The following ADGRV1 variants were observed in gnomAD, a reference collection of about 807,000 sequenced individuals.
The protein encoded by ADGRV1 is adhesion G protein-coupled receptor V1.
In ADGRV1, 359 loss-of-function variants were observed where a neutral mutation model predicts 596.2. That is an observed-to-expected ratio of 0.60 (90% CI 0.55 to 0.66). The LOEUF (loss-of-function observed/expected upper bound fraction) is 0.66, where lower values mean the gene tolerates loss of function less well. ADGRV1 is among the 30% of genes least tolerant of loss of function. The pLI is 0.00. For missense variants in ADGRV1, 7,274 were observed against 7,575.6 expected, an observed-to-expected ratio of 0.96 and a Z score of 1.48; for synonymous variants, 2,681 against 2,679.2, an observed-to-expected ratio of 1.00 and a Z score of -0.02.
At chr5:90,692,221 G>A (rs1746567269) in intron 31 of ADGRV1, among the ~76,000 whole-genome samples, 1 of 151,916 alleles carries the variant, frequency 6.6e-6, no homozygotes, top group Non-Finnish European at 1.5e-5. Flanking sequence ...GGGAAATAAA[G>A]CATAGTATAT....
chr5:91,013,096 T>C (rs1782857422), intron 85 of ADGRV1, among the ~76,000 whole-genome samples: 1 of 152,132 alleles, frequency 6.6e-6, no homozygotes, highest in Non-Finnish European at 1.5e-5. Context: ...CCATGGTGTA[T>C]ATGTATCACA....
At chr5:90,944,174 TTAAG>T (rs1251810803) in intron 83 of ADGRV1, among the ~76,000 whole-genome samples, 2 of 152,180 alleles carry the variant, frequency 1.3e-5, no homozygotes, top group African/African-American at 4.8e-5. Flanking sequence ...ATTTAGTACA[TTAAG>T]TAATCTTTTT....
chr5:90,703,739 G>A lies in ADGRV1; in HGVS notation c.8230G>A (p.Gly2744Arg). The change falls in exon 35 of 90, where the codon GGG becomes AGG. Residue 2744 changes from glycine to arginine, a missense_variant. This residue lies in a region of ADGRV1 where 3,643 missense variants were observed against 3,809.2 expected (regional missense o/e 0.96). Transcript: ENST00000405460. ...TGTTACTGTTAACTGGAAAATTATT[G>A]GGCAAAATCTAGAACTCAATTTTGC... ...GNVTVNWKII[G>R]QNLELNFANF... The A allele has an allele frequency of 6.2e-7, 1 of 1,605,060 alleles. No homozygotes were observed. Among genetic ancestry groups the A allele is most frequent in the Non-Finnish European group, 8.5e-7 (1 of 1,174,990 alleles).
At chr5:91,116,065 A>G (rs1051744517) in intron 87 of ADGRV1, among the ~76,000 whole-genome samples, 2 of 152,238 alleles carry the variant, frequency 1.3e-5, no homozygotes, top group Non-Finnish European at 2.9e-5. Context: ...GAATATGGAT[A>G]GAAAAATGTC....
rs1408016569 is a variant in ADGRV1, at chr5:91,164,040, G to T, written c.*140G>T. The T allele has an allele frequency of 1.4e-6, 1 of 699,192 alleles. No homozygotes were observed. The highest frequency in any genetic ancestry group is 2.0e-5 in the Admixed American group (1 of 49,882). 43.3% of individuals were successfully genotyped at this position (699,192 alleles called of 1,614,324 possible). ...TAATACAAACGTGATTGTTGTATTT[G>T]GAGTATAAATTACTGATTGTATGTG... On this transcript the variant is annotated 3_prime_UTR_variant, in exon 90 of 90. Coordinates refer to ENST00000405460, the MANE Select transcript of ADGRV1 (RefSeq NM_032119.4).
intron 1 of ADGRV1, among the ~76,000 whole-genome samples, chr5:90,594,677 G>T (rs1229381143): frequency 6.7e-6 from 1 of 149,146 alleles, no homozygotes; most frequent in Non-Finnish European, 1.5e-5. Flanking sequence ...TTAGGGAGTG[G>T]TGATGACTCT....
Position 90,683,702 on chromosome 5 carries a change from G to A in ADGRV1, c.5781G>A (p.Thr1927=), listed in dbSNP as rs771592051. Residue 1927 remains threonine, a synonymous_variant, in exon 28 of 90, where the codon ACG becomes ACA. Transcript: ENST00000405460. ...SGNITFEIGQ[T]SANITVEILP... is the part of the protein sequence containing the mutation. Reference sequence around the variant, plus strand: ...ACATCACATTTGAGATTGGGCAGACGAGCGCCAATATCACTGTGGAGATAT... The same window carrying A: ...ACATCACATTTGAGATTGGGCAGACAAGCGCCAATATCACTGTGGAGATAT... 3.5e-5 allele frequency: 56 copies of A among 1,613,758 alleles called. No individual in the cohort carries two copies. Among genetic ancestry groups the A allele is most frequent in the South Asian group, 3.3e-4 (30 of 91,074 alleles).
At chr5:90,993,883 A>C (rs1373975502) in intron 85 of ADGRV1, among the ~76,000 whole-genome samples, 3 of 151,770 alleles carry the variant, frequency 2.0e-5, no homozygotes, top group East Asian at 1.9e-4. Context: ...ATGCTGTTCC[A>C]CAAAAATCTA....
intron 64 of ADGRV1, chr5:90,781,135 G>A: frequency 5.0e-6 from 2 of 397,212 alleles, no homozygotes; most frequent in Non-Finnish European, 9.4e-6. Flanking sequence ...TTTTATGACA[G>A]CATCTTTCTG....
intron 5 of ADGRV1, 75 bp from the exon 6 acceptor site, chr5:90,625,055 T>A: frequency 1.2e-6 from 1 of 836,020 alleles, no homozygotes; most frequent in East Asian, 2.6e-5. Context: ...TTTTGTCAGC[T>A]GACATCACAA....
intron 1 of ADGRV1, among the ~76,000 whole-genome samples, chr5:90,567,350 T>A (rs371603414): frequency 6.6e-6 from 1 of 152,090 alleles, no homozygotes; most frequent in Non-Finnish European, 1.5e-5. Flanking sequence ...AAGTCTTGTG[T>A]TTTATATATA....
chr5:90,710,239 T>C (rs1223128757), intron 39 of ADGRV1, among the ~76,000 whole-genome samples: 1 of 152,128 alleles, frequency 6.6e-6, no homozygotes, highest in African/African-American at 2.4e-5. Context: ...GAACAAAGTA[T>C]TAAAAACAAA....
intron 83 of ADGRV1, among the ~76,000 whole-genome samples, chr5:90,910,554 TCTATCTATC>T (rs1772781362): frequency 5.3e-4 from 6 of 11,224 alleles, no homozygotes; most frequent in Non-Finnish European, 1.4e-3. Context: ...ATATATATTA[TCTATCTATC>T]TATCTATCTA....
intron 43 of ADGRV1, among the ~76,000 whole-genome samples, chr5:90,718,784 TTTG>T (rs901611728): frequency 4.6e-5 from 7 of 151,970 alleles, no homozygotes; most frequent in Non-Finnish European, 5.9e-5. Flanking sequence ...TTTTCTCAAA[TTTG>T]TTGTTTTTTT....
chr5:90,960,026 C>G (rs1777856578), intron 83 of ADGRV1, among the ~76,000 whole-genome samples: 1 of 151,624 alleles, frequency 6.6e-6, no homozygotes, highest in Admixed American at 6.6e-5. Flanking sequence ...GTAGTCCCAG[C>G]TACTCGGGAG....
chr5:90,792,886 A>G (rs1039632184), intron 70 of ADGRV1: 2 of 152,084 alleles, frequency 1.3e-5, no homozygotes, highest in Admixed American at 6.6e-5. Flanking sequence ...TCACACCCAC[A>G]CTCACTCAGA....
intron 30 of ADGRV1, 79 bp from the exon 31 acceptor site, chr5:90,690,718 C>T (rs895365089): frequency 1.5e-6 from 2 of 1,375,770 alleles, no homozygotes; most frequent in Non-Finnish European, 2.0e-6. Context: ...AGAGAATCCA[C>T]TATAGGATGG....
chr5:90,657,824 T>A, intron 20 of ADGRV1, 81 bp from the exon 21 acceptor site: 1 of 1,392,314 alleles, frequency 7.2e-7, no homozygotes, highest in Non-Finnish European at 9.5e-7. Context: ...AGTAAAATTG[T>A]CTTACTTTCT....
chr5:91,062,435 G>T lies in ADGRV1; in HGVS notation c.18153-10012G>T, dbSNP rs1200508920. On this transcript the variant is annotated intron_variant, in intron 85 of 89. Transcript: ENST00000405460. ...GTCATCTGTGGCTGGGAGAGTGGGG[G>T]TGGAGGATGTAGCACAGGGGTCCCC... 7.2e-5 allele frequency among the ~76,000 whole-genome samples: 11 copies of T among 152,346 alleles called. No individual in the cohort carries two copies. In the East Asian group the frequency reaches 1.7e-3, roughly 24 times the overall value.
Sources: allele counts gnomAD v4.1 joint callset (sites outside exome capture counted in the v4.1 genomes callset), GRCh38; gene constraint gnomAD v4.1.1; regional missense constraint gnomAD v4.1.1; transcripts MANE v1.5; gene names NCBI Gene and HGNC (gene_info 2026-07-23, HGNC 2026-07-21).